The following TYW1B variants were observed in gnomAD, a reference collection of about 807,000 sequenced individuals.
TYW1B encodes tRNA-yW synthesizing protein 1 homolog B.
Under a neutral mutation model 86.9 loss-of-function variants are expected in TYW1B, and 73 were observed. The ratio of observed to expected loss-of-function variants is 0.84; its 90% CI spans 0.70 to 1.02. TYW1B has a LOEUF of 1.02. TYW1B is among the 50% of genes least tolerant of loss of function. TYW1B has a pLI of 0.00. For missense variants in TYW1B, 637 were observed against 827.4 expected, an observed-to-expected ratio of 0.77 and a Z score of 2.82; for synonymous variants, 248 against 292.8, an observed-to-expected ratio of 0.85 and a Z score of 1.56.
intron 10 of TYW1B, among the ~76,000 whole-genome samples, chr7:72,706,924 C>T (rs1262438269): frequency 1.3e-5 from 2 of 152,182 alleles, no homozygotes; most frequent in South Asian, 2.1e-4. Context: ...GGGTTTGAGA[C>T]CTCTGGGCTT....
At chr7:72,597,342 C>T (rs1811559998) in intron 13 of TYW1B, among the ~76,000 whole-genome samples, 2 of 151,920 alleles carry the variant, frequency 1.3e-5, no homozygotes, top group East Asian at 1.9e-4. Flanking sequence ...GTTATGGCCC[C>T]AAATGTCCAT....
At chr7:72,603,032 C>G (rs1443057715) in intron 13 of TYW1B, among the ~76,000 whole-genome samples, 3 of 152,130 alleles carry the variant, frequency 2.0e-5, no homozygotes, top group Admixed American at 2.0e-4. Context: ...TGCATTCACA[C>G]TGATATAGAC....
intron 7 of TYW1B, among the ~76,000 whole-genome samples, chr7:72,773,188 T>G (rs1787896489): frequency 6.6e-6 from 1 of 152,196 alleles, no homozygotes; most frequent in Admixed American, 6.6e-5. Context: ...AGAAAAAAAC[T>G]GTACATTACA....
intron 11 of TYW1B, among the ~76,000 whole-genome samples, chr7:72,632,376 T>TTATATATACGTATATATATAA (rs1812533899): frequency 8.3e-5 from 8 of 96,232 alleles, no homozygotes; most frequent in East Asian, 4.3e-4. Context: ...CGCATATATA[T>TTATATATACGTATATATATAA]TATATATATA....
intron 11 of TYW1B, among the ~76,000 whole-genome samples, chr7:72,688,016 C>T (rs1365984055): frequency 2.0e-5 from 3 of 152,078 alleles, no homozygotes; most frequent in Admixed American, 2.0e-4. Context: ...ATGAAATCAC[C>T]ATCTCCACAA....
At chr7:72,652,414 G>A (rs1400433598) in intron 11 of TYW1B, among the ~76,000 whole-genome samples, 1 of 138,864 alleles carries the variant, frequency 7.2e-6, no homozygotes, top group Non-Finnish European at 1.6e-5. Flanking sequence ...AAATTTTTGT[G>A]ACATTGTTAC....
intron 13 of TYW1B, among the ~76,000 whole-genome samples, chr7:72,592,100 G>T (rs1282424522): frequency 1.3e-5 from 2 of 148,212 alleles, no homozygotes; most frequent in African/African-American, 5.1e-5. Context: ...TGGGATTACA[G>T]GCGTCAGCCA....
chr7:72,815,565 G>A, intron 2 of TYW1B, 84 bp from the exon 3 acceptor site: 3 of 1,248,028 alleles, frequency 2.4e-6, no homozygotes, highest in East Asian at 2.5e-5. Flanking sequence ...ACAAGAATGT[G>A]GCATTCCTCA....
intron 8 of TYW1B, among the ~76,000 whole-genome samples, chr7:72,734,268 A>AAAAAAAAAAAAAAAAAAAAAAAAAC (rs56806378): frequency 1.0e-5 from 1 of 98,094 alleles, no homozygotes; most frequent in African/African-American, 3.5e-5. Flanking sequence ...AAAAAAAAAA[A>AAAAAAAAAAAAAAAAAAAAAAAAAC]ACACAACAAA....
intron 10 of TYW1B, among the ~76,000 whole-genome samples, chr7:72,699,127 T>A (rs1418375000): frequency 1.3e-5 from 2 of 152,036 alleles, no homozygotes; most frequent in African/African-American, 4.8e-5. Context: ...TGATTTTGCT[T>A]GGCAAAATCA....
At chr7:72,706,586 A>T (rs1814622089) in intron 10 of TYW1B, among the ~76,000 whole-genome samples, 1 of 152,170 alleles carries the variant, frequency 6.6e-6, no homozygotes, top group Non-Finnish European at 1.5e-5. Flanking sequence ...GTGGCCTCTC[A>T]GTCTACCTTT....
intron 2 of TYW1B, among the ~76,000 whole-genome samples, chr7:72,818,099 A>C (rs1393907865): frequency 6.7e-6 from 1 of 149,426 alleles, no homozygotes; most frequent in African/African-American, 2.5e-5. Context: ...AAAGCCTCAC[A>C]TCTCTCCCTA....
At chr7:72,786,668 C>T (rs1374250479) in intron 6 of TYW1B, among the ~76,000 whole-genome samples, 3 of 150,358 alleles carry the variant, frequency 2.0e-5, no homozygotes, top group East Asian at 3.9e-4. Context: ...CTCCGTCTCC[C>T]GGGGTCAAGC....
At chr7:72,686,219 C>A (rs1281023478) in intron 11 of TYW1B, among the ~76,000 whole-genome samples, 34 of 152,086 alleles carry the variant, frequency 2.2e-4, no homozygotes, top group African/African-American at 8.2e-4. Flanking sequence ...GTGTTTACTC[C>A]AAGGAGCTGA....
intron 13 of TYW1B, among the ~76,000 whole-genome samples, chr7:72,595,452 G>A (rs1275426883): frequency 6.6e-6 from 1 of 152,184 alleles, no homozygotes; most frequent in Admixed American, 6.5e-5. Context: ...GGAAGGCTGA[G>A]GTGGGCAGAT....
chr7:72,726,788 C>T (rs782116071), intron 9 of TYW1B, among the ~76,000 whole-genome samples: 2 of 152,090 alleles, frequency 1.3e-5, no homozygotes, highest in African/African-American at 4.8e-5. Context: ...TAAAGAACTG[C>T]CGGAGACGGG....
chr7:72,743,648 G>A (rs1445142022), intron 8 of TYW1B, among the ~76,000 whole-genome samples: 10 of 151,804 alleles, frequency 6.6e-5, no homozygotes, highest in African/African-American at 1.9e-4. Context: ...GTTCAAAACC[G>A]GCCTGGCCAA....
chr7:72,604,393 T>C (rs1554434423), intron 13 of TYW1B, among the ~76,000 whole-genome samples: 2 of 151,982 alleles, frequency 1.3e-5, no homozygotes, highest in African/African-American at 2.4e-5. Flanking sequence ...ACCCGGGAGA[T>C]GGAGGTTGCA....
chr7:72,575,433 G>A lies in TYW1B; in HGVS notation c.*65C>T. The A allele has an allele frequency of 6.4e-7, 1 of 1,573,376 alleles. No homozygotes were observed. Among genetic ancestry groups the A allele is most frequent in the East Asian group, 2.3e-5 (1 of 43,866 alleles). ...TAATTCGTCCTTGGAGAATCAGAGT[G>A]GTGTTCAAGAACCTTTTGAGGCCAT... On this transcript the variant is annotated 3_prime_UTR_variant, in exon 14 of 14. Transcript: ENST00000620995.
Sources: gnomAD v4.1 joint callset for allele counts (sites outside exome capture counted in the v4.1 genomes callset) on GRCh38, gnomAD v4.1.1 for gene constraint, MANE v1.5 for transcripts, NCBI Gene and HGNC (gene_info 2026-07-23, HGNC 2026-07-21) for gene names.